Variants in PHF7 observed in about 807,000 individuals in gnomAD.
The protein encoded by PHF7 is PHD finger protein 7.
A neutral mutation model predicts 47.5 loss-of-function variants in PHF7; 24 were observed. The observed-to-expected ratio is 0.51, with a 90% CI of 0.37 to 0.71. The LOEUF is 0.71. Among genes scored for constraint, PHF7 ranks in the 30% least tolerant of loss-of-function variants. The pLI is 0.00. For missense variants in PHF7, 361 were observed against 456.8 expected (o/e 0.79, Z 1.91); for synonymous variants, 156 against 153.8 (o/e 1.01, Z -0.11).
At chr3:52,412,406 T>G (rs978743763) in intron 1 of PHF7, among the ~76,000 whole-genome samples, 1 of 152,288 alleles carries the variant, frequency 6.6e-6, no homozygotes, top group Middle Eastern at 3.4e-3. Context: ...GAGTGCTACT[T>G]CACGTATTTT....
intron 4 of PHF7, 85 bp downstream of exon 4, chr3:52,414,672 C>G: frequency 1.3e-6 from 1 of 752,144 alleles, no homozygotes; most frequent in East Asian, 2.8e-5. Context: ...CTCATATCCA[C>G]AGCCTTGTTT....
Position 52,419,429 on chromosome 3 carries a change from C to CTT in PHF7, c.187-394_187-393dup, listed in dbSNP as rs761599290. Reference sequence around the variant, plus strand: ...CATATATATTCCACCAAGCTCTGTTCTTTTTTTTTTTCTTTTTTGAGACAG... The same window carrying CTT: ...CATATATATTCCACCAAGCTCTGTTCTTTTTTTTTTTTTCTTTTTTGAGACAG... On this transcript the variant is annotated intron_variant, in intron 4 of 10. Transcript: ENST00000327906. Among the ~76,000 whole-genome samples, 530 of 138,812 alleles carry CTT rather than the reference C, an allele frequency of 3.8e-3. 15 individuals carry two copies. The highest frequency in any genetic ancestry group is 0.022 in the South Asian group (93 of 4,260). 91.1% of individuals were successfully genotyped at this position (138,812 alleles called of 152,430 possible).
chr3:52,416,701 C>T (rs1180587495), intron 4 of PHF7, among the ~76,000 whole-genome samples: 1 of 151,450 alleles, frequency 6.6e-6, no homozygotes, highest in Non-Finnish European at 1.5e-5. Flanking sequence ...GGCATGGTGG[C>T]AGGCGCCTGT....
chr3:52,415,075 C>T (rs757407294), intron 4 of PHF7, among the ~76,000 whole-genome samples: 88 of 152,314 alleles, frequency 5.8e-4, no homozygotes, highest in Admixed American at 2.7e-3. Context: ...CTTCCCTAAA[C>T]AATGTTCCCA....
At chr3:52,412,948 G>A in intron 2 of PHF7, 28 bp downstream of exon 2, 1 of 1,578,808 alleles carries the variant, frequency 6.3e-7, no homozygotes, top group Non-Finnish European at 8.7e-7. Context: ...AGGGAATTTG[G>A]GAGAAATTGT....
Position 52,420,912 on chromosome 3 carries a change from T to C in PHF7, c.423T>C (p.Cys141=). The C allele has an allele frequency of 6.2e-7, 1 of 1,608,492 alleles. No individual in the cohort carries two copies. Among genetic ancestry groups the C allele is most frequent in the Non-Finnish European group, 8.5e-7 (1 of 1,177,886 alleles). The change falls in exon 7 of 11, where the codon TGT becomes TGC. Residue 141 remains cysteine, a synonymous_variant. Transcript: ENST00000327906. The stretch of plus-strand genomic sequence containing the variant: ...TGTTTACCTGCCACAGATCATTTTG[T>C]GACAAACATCGCCCAACACAGAACA... The part of the protein sequence containing the change: ...SQFFGEYKSF[C]DKHRPTQNIQ...
intron 1 of PHF7, among the ~76,000 whole-genome samples, chr3:52,411,496 C>T (rs530899171): frequency 7.4e-4 from 112 of 152,350 alleles, no homozygotes; most frequent in Non-Finnish European, 1.2e-3. Flanking sequence ...GTTTCTTGAA[C>T]AGTAATTTCC....
Position 52,420,298 on chromosome 3 carries a change from A to G in PHF7, c.289-13A>G. 6.2e-7 allele frequency: 1 copy of G among 1,613,718 alleles called. No homozygotes were observed. The highest frequency in any genetic ancestry group is 8.5e-7 in the Non-Finnish European group (1 of 1,179,656). ...CTTGGGGTCCTGAGCACTGTCTGGGAACTCATTTGCAGATCTGCTTTGTGT... is the reference window on the plus strand; with the variant it reads ...CTTGGGGTCCTGAGCACTGTCTGGGGACTCATTTGCAGATCTGCTTTGTGT... On this transcript the variant is annotated splice_polypyrimidine_tract_variant and intron_variant, in intron 5 of 10. Coordinates refer to ENST00000327906, the MANE Select transcript of PHF7 (RefSeq NM_016483.7).
In PHF7 at chr3:52,422,214, C is replaced by T. The variant is rs527728512; in HGVS notation, c.681-8C>T. 7 of 1,580,306 alleles carry T rather than the reference C, an allele frequency of 4.4e-6. No individual in the cohort carries two copies. In the African/African-American group the frequency reaches 6.7e-5, roughly 15 times the overall value. On this transcript the variant is annotated splice_polypyrimidine_tract_variant and splice_region_variant and intron_variant, in intron 8 of 10. Transcript: ENST00000327906. ...TGTTCTTATTCACTGTTTCTTCTCC[C>T]ACTGCAGAGATGCTGCCTGGGAACT...
At chr3:52,415,764 A>G (rs752121001) in intron 4 of PHF7, among the ~76,000 whole-genome samples, 6 of 152,100 alleles carry the variant, frequency 3.9e-5, no homozygotes, top group Admixed American at 6.5e-5. Flanking sequence ...ATAAGTTACT[A>G]TTTGCTTATC....
At chr3:52,411,463 A>G (rs1705431093) in intron 1 of PHF7, 2 of 152,340 alleles carry the variant, frequency 1.3e-5, no homozygotes, top group Non-Finnish European at 2.9e-5. Flanking sequence ...AAGCACAAAG[A>G]AGGGGAGGGC....
Position 52,423,204 on chromosome 3 carries a change from G to C in PHF7, c.1033G>C (p.Asp345His). The C allele has an allele frequency of 6.2e-7, 1 of 1,613,996 alleles. No individual in the cohort carries two copies. Among genetic ancestry groups the C allele is most frequent in the South Asian group, 1.1e-5 (1 of 91,072 alleles). ...AGAGAATCCGGGCCTTTCTTGGACT[G>C]ATTGGCCAGAACCTTCCTTATTAGA... ...LEENPGLSWT[D>H]WPEPSLLEKP... Residue 345 changes from aspartate to histidine, a missense_variant, in exon 11 of 11, where the codon GAT becomes CAT. Physicochemically the swap from Asp to His is moderately conservative, Grantham distance 81. Coordinates refer to ENST00000327906, the MANE Select transcript of PHF7 (RefSeq NM_016483.7).
chr3:52,423,183 A>C lies in PHF7; in HGVS notation c.1012A>C (p.Asn338His). 6.2e-7 allele frequency: 1 copy of C among 1,613,936 alleles called. No homozygotes were observed. The highest frequency in any genetic ancestry group is 8.5e-7 in the Non-Finnish European group (1 of 1,179,820). ...CTGCAGAGACAACACCTTGGAAGAGAATCCGGGCCTTTCTTGGACTGATTG... is the reference window on the plus strand; with the variant it reads ...CTGCAGAGACAACACCTTGGAAGAGCATCCGGGCCTTTCTTGGACTGATTG... The part of the protein sequence containing the change: ...HFCRDNTLEE[N>H]PGLSWTDWPE... Residue 338 changes from asparagine (N) to histidine (H), a missense_variant, in exon 11 of 11, where the codon AAT (asparagine) becomes CAT (histidine). Asn to His is a moderately conservative substitution (Grantham distance 68, BLOSUM62 1). Transcript: ENST00000327906.
At chr3:52,415,090 T>G (rs1190488080) in intron 4 of PHF7, among the ~76,000 whole-genome samples, 1 of 152,208 alleles carries the variant, frequency 6.6e-6, no homozygotes, top group African/African-American at 2.4e-5. Flanking sequence ...TTCCCAATCC[T>G]TCTCCCTCTC....
rs1416235898 is a variant in PHF7, at chr3:52,412,827, T to C, written c.-53T>C. 14 of 1,384,836 alleles carry C rather than the reference T, an allele frequency of 1.0e-5. No homozygotes were observed. The highest frequency in any genetic ancestry group is 1.4e-5 in the African/African-American group (1 of 69,682). The allele number at this position is 1,384,836 out of a possible 1,614,324, so 85.8% of individuals were successfully genotyped here. A position where few individuals can be genotyped will look rare whatever the true frequency, so the allele number is the denominator to read the frequency against. On this transcript the variant is annotated 5_prime_UTR_variant, in exon 2 of 11. Transcript: ENST00000327906. Reference sequence around the variant, plus strand: ...TATTTATAGCTGGAAGAGCCTGTATTGTCCTCACAATAGTATAGAAGAATT... The same window carrying C: ...TATTTATAGCTGGAAGAGCCTGTATCGTCCTCACAATAGTATAGAAGAATT...
chr3:52,416,868 T>C (rs1162870863), intron 4 of PHF7, among the ~76,000 whole-genome samples: 5 of 151,984 alleles, frequency 3.3e-5, no homozygotes. Flanking sequence ...GTTTTATTAT[T>C]GAGTTGTAGG....
chr3:52,413,992 A>G lies in PHF7; in HGVS notation c.42-4A>G, dbSNP rs1442995153. ...ACCTTGTGCTTCTTATTTCTCTTGTATAGAAAATCTGCCAAGACTAGGAGG... is the reference window on the plus strand; with the variant it reads ...ACCTTGTGCTTCTTATTTCTCTTGTGTAGAAAATCTGCCAAGACTAGGAGG... On this transcript the variant is annotated splice_polypyrimidine_tract_variant and splice_region_variant and intron_variant, in intron 2 of 10. Coordinates refer to ENST00000327906, the MANE Select transcript of PHF7 (RefSeq NM_016483.7). 4 of 1,596,352 alleles carry G rather than the reference A, an allele frequency of 2.5e-6. No individual in the cohort carries two copies. Among genetic ancestry groups the G allele is most frequent in the Middle Eastern group, 1.7e-4 (1 of 6,018 alleles).
intron 6 of PHF7, 75 bp downstream of exon 6, chr3:52,420,510 G>C (rs1705754852): frequency 7.0e-7 from 1 of 1,436,138 alleles, no homozygotes; most frequent in Admixed American, 1.7e-5. Context: ...TCAGAGTCCA[G>C]TTCTCACAAG....
At chr3:52,414,395 A>G in intron 3 of PHF7, 101 bp from the exon 4 acceptor site, 1 of 747,778 alleles carries the variant, frequency 1.3e-6, no homozygotes, top group Non-Finnish European at 2.4e-6. Flanking sequence ...TTTTCCTAGT[A>G]TTCTACTCCT....
Sources: gnomAD v4.1 joint callset for allele counts (sites outside exome capture counted in the v4.1 genomes callset) on GRCh38, gnomAD v4.1.1 for gene constraint, MANE v1.5 for transcripts, NCBI Gene and HGNC (gene_info 2026-07-23, HGNC 2026-07-21) for gene names.